HTRA1: variants seen among roughly 807,000 people sequenced by gnomAD.
HTRA1 encodes serine protease HTRA1.
Under a neutral mutation model 49.7 loss-of-function variants are expected in HTRA1, and 26 were observed. That is an observed-to-expected ratio of 0.52 (90% CI 0.38 to 0.73). The LOEUF (loss-of-function observed/expected upper bound fraction) is 0.73. Among genes scored for constraint, HTRA1 ranks in the 30% least tolerant of loss-of-function variants. The probability of loss-of-function intolerance (pLI) is 0.00; values close to 1 mark genes in which losing one functional copy is unlikely to be tolerated. For synonymous variants in HTRA1, 291 were observed against 286.9 expected, an observed-to-expected ratio of 1.01 and a Z score of -0.14; for missense variants, 561 against 667.2, an observed-to-expected ratio of 0.84 and a Z score of 1.75.
At chr10:122,475,859 C>G (rs1466982238) in intron 1 of HTRA1, among the ~76,000 whole-genome samples, 1 of 152,230 alleles carries the variant, frequency 6.6e-6, no homozygotes, top group African/African-American at 2.4e-5. Flanking sequence ...TCTGCTGCCT[C>G]CATGCCCCAG....
At chr10:122,480,315 G>A (rs1591029272) in intron 1 of HTRA1, among the ~76,000 whole-genome samples, 1 of 150,892 alleles carries the variant, frequency 6.6e-6, no homozygotes, top group East Asian at 2.0e-4. Flanking sequence ...CTCTGCGTTT[G>A]TGAACCCCAG....
intron 1 of HTRA1, among the ~76,000 whole-genome samples, 165 bp downstream of exon 1, chr10:122,462,289 C>G (rs2097481827): frequency 6.6e-6 from 1 of 152,250 alleles, no homozygotes; most frequent in Admixed American, 6.5e-5. Flanking sequence ...TTTCCGCGGG[C>G]TGCCTCGGAA....
At chr10:122,491,307 T>G (rs2097495670) in intron 3 of HTRA1, among the ~76,000 whole-genome samples, 1 of 152,176 alleles carries the variant, frequency 6.6e-6, no homozygotes. Flanking sequence ...GCCCCGTGGT[T>G]TGATGGGACA....
At chr10:122,504,002 G>A (rs1013186906) in intron 3 of HTRA1, among the ~76,000 whole-genome samples, 5 of 152,196 alleles carry the variant, frequency 3.3e-5, no homozygotes, top group Non-Finnish European at 7.3e-5. Context: ...CATCACGGGT[G>A]TCCATCTTGT....
chr10:122,461,897 C>G lies in HTRA1; in HGVS notation c.245C>G (p.Pro82Arg), dbSNP rs541204010. The G allele has an allele frequency of 2.5e-4, 339 of 1,382,706 alleles. 3 individuals are homozygous for G. In the Middle Eastern group the frequency reaches 3.4e-3, roughly 14 times the overall value. 85.7% of individuals were successfully genotyped at this position (1,382,706 alleles called of 1,614,324 possible). A position where few individuals can be genotyped will look rare whatever the true frequency, so the allele number is the denominator to read the frequency against. ...GCCGCGTGCGGCCTGCAGGAGGGCC[C>G]GTGCGGCGAGGGGCTGCAGTGCGTG... Reference protein sequence around the residue: ...EGAACGLQEGPCGEGLQCVVP... With the variant: ...EGAACGLQEGRCGEGLQCVVP... The change falls in exon 1 of 9, where the codon CCG becomes CGG. Residue 82 changes from proline to arginine, a missense_variant. Physicochemically the swap from Pro to Arg is moderately radical, Grantham distance 103. Around this residue, in one of 3 missense-constraint regions of HTRA1, gnomAD observed 271 missense variants for 410.0 expected, o/e 0.66. Coordinates refer to ENST00000368984, the MANE Select transcript of HTRA1 (RefSeq NM_002775.5).
At chr10:122,511,879 G>C (rs2097505812) in intron 7 of HTRA1, 91 bp from the exon 8 acceptor site, 1 of 884,652 alleles carries the variant, frequency 1.1e-6, no homozygotes, top group Non-Finnish European at 1.9e-6. Context: ...TTAGACCTAA[G>C]GAGAAGACGG....
In HTRA1 at chr10:122,506,987, G is replaced by A. The variant is rs192154495; in HGVS notation, c.972+102G>A. ...CCCCTGACTTTGTTGTAGTCTGCGT[G>A]AAGGGATGGAACTAGACCAAGCCAT... On this transcript the variant is annotated intron_variant, in intron 4 of 8. Transcript: ENST00000368984. The surrounding 1 kb of genome is among the most constrained non-coding windows in gnomAD (Gnocchi z 5.2). 1.3e-5 allele frequency: 13 copies of A among 1,033,956 alleles called. No homozygotes were observed. The highest frequency in any genetic ancestry group is 1.9e-5 in the Non-Finnish European group (13 of 685,730). The allele number at this position is 1,033,956 out of a possible 1,614,324, so 64.0% of individuals were successfully genotyped here. A position where few individuals can be genotyped will look rare whatever the true frequency, so the allele number is the denominator to read the frequency against.
intron 1 of HTRA1, among the ~76,000 whole-genome samples, chr10:122,474,862 T>A (rs1314098238): frequency 6.6e-6 from 1 of 152,046 alleles, no homozygotes; most frequent in Non-Finnish European, 1.5e-5. Context: ...ACCCAATAGA[T>A]CAAGCAAGGA....
chr10:122,478,739 C>G (rs974618396), intron 1 of HTRA1, among the ~76,000 whole-genome samples: 5 of 152,178 alleles, frequency 3.3e-5, no homozygotes, highest in African/African-American at 1.2e-4. Context: ...TGAGCAGCTC[C>G]TGAGATGCTT....
Position 122,473,254 on chromosome 10 carries a change from C to T in HTRA1, c.472+11130C>T, listed in dbSNP as rs377694527. Among the ~76,000 whole-genome samples, 6 of 152,274 alleles carry T rather than the reference C, an allele frequency of 3.9e-5. No individual in the cohort carries two copies. In the South Asian group the frequency reaches 8.3e-4, roughly 21 times the overall value. On this transcript the variant is annotated intron_variant, in intron 1 of 8. Coordinates refer to ENST00000368984, the MANE Select transcript of HTRA1 (RefSeq NM_002775.5). Reference sequence around the variant, plus strand: ...GGTGTTTGTCGGCTTGTCCTTCTAACACTCGTGTCTCAGGCGAGCAGCCTG... The same window carrying T: ...GGTGTTTGTCGGCTTGTCCTTCTAATACTCGTGTCTCAGGCGAGCAGCCTG...
At chr10:122,507,497 A>AG in intron 5 of HTRA1, 95 bp downstream of exon 5, 1 of 985,606 alleles carries the variant, frequency 1.0e-6, no homozygotes, top group South Asian at 1.3e-5. Flanking sequence ...TTTTTGAGGC[A>AG]GGGGGTCTTT....
At chr10:122,495,850 G>A (rs933253137) in intron 3 of HTRA1, among the ~76,000 whole-genome samples, 1 of 152,140 alleles carries the variant, frequency 6.6e-6, no homozygotes, top group Non-Finnish European at 1.5e-5. Flanking sequence ...GAGTATCAGA[G>A]TCCAGGGTTG....
intron 1 of HTRA1, among the ~76,000 whole-genome samples, chr10:122,466,418 T>G (rs2097483809): frequency 6.6e-6 from 1 of 152,182 alleles, no homozygotes; most frequent in Non-Finnish European, 1.5e-5. Context: ...CCGCCCGCTT[T>G]GGCCTCCCAA....
At chr10:122,499,405 C>T (rs1237684648) in intron 3 of HTRA1, among the ~76,000 whole-genome samples, 2 of 152,210 alleles carry the variant, frequency 1.3e-5, no homozygotes, top group Non-Finnish European at 2.9e-5. Context: ...TATTTTAGTA[C>T]CTTTAACAGT....
intron 7 of HTRA1, among the ~76,000 whole-genome samples, chr10:122,511,120 G>A (rs147201387): frequency 5.3e-4 from 80 of 152,282 alleles, no homozygotes; most frequent in African/African-American, 1.6e-3. Flanking sequence ...GGATGACAGC[G>A]CAGGTGCTTC....
Position 122,513,200 on chromosome 10 carries a change from G to T in HTRA1, c.1275-991G>T, listed in dbSNP as rs1000545736. ...TGAAGGACCATGACAGCGTTTTGACGCTGAGCTATATAAGAGCTACAGTTA... is the reference window on the plus strand; with the variant it reads ...TGAAGGACCATGACAGCGTTTTGACTCTGAGCTATATAAGAGCTACAGTTA... On this transcript the variant is annotated intron_variant, in intron 8 of 8. Coordinates refer to ENST00000368984, the MANE Select transcript of HTRA1 (RefSeq NM_002775.5). Among the ~76,000 whole-genome samples, 3 of 152,086 alleles carry T rather than the reference G, an allele frequency of 2.0e-5. No individual in the cohort carries two copies. In the South Asian group the frequency reaches 6.2e-4, roughly 32 times the overall value.
chr10:122,503,453 G>A (rs1372381802), intron 3 of HTRA1, among the ~76,000 whole-genome samples: 4 of 152,176 alleles, frequency 2.6e-5, no homozygotes, highest in Non-Finnish European at 4.4e-5. Context: ...AGCTGGGGCC[G>A]TGACCCCCAA....
At chr10:122,489,770 T>C (rs1275938362) in intron 3 of HTRA1, 144 bp downstream of exon 3, 8 of 782,850 alleles carry the variant, frequency 1.0e-5, no homozygotes, top group Admixed American at 2.0e-5. Context: ...CTTGAGGAGA[T>C]GCTGAGTATG....
chr10:122,502,965 A>G (rs1413935526), intron 3 of HTRA1, among the ~76,000 whole-genome samples: 3 of 152,180 alleles, frequency 2.0e-5, no homozygotes, highest in African/African-American at 7.2e-5. Flanking sequence ...TGGCCTTTTC[A>G]TCCGTCAGTG....
Sources: allele counts gnomAD v4.1 joint callset (sites outside exome capture counted in the v4.1 genomes callset), GRCh38; gene constraint gnomAD v4.1.1; regional missense constraint gnomAD v4.1.1; non-coding constraint Gnocchi (gnomAD v3.1); transcripts MANE v1.5; gene names NCBI Gene and HGNC (gene_info 2026-07-23, HGNC 2026-07-21).